LUZP1: variants seen among roughly 807,000 people sequenced by gnomAD.
The protein encoded by LUZP1 is leucine zipper protein 1, also known as filamin mechanobinding actin cross-linking protein.
In LUZP1, 25 loss-of-function variants were observed where a neutral mutation model predicts 71.3. That is an observed-to-expected ratio of 0.35 (90% CI 0.26 to 0.49). LUZP1 has a LOEUF of 0.49. Ranked by LOEUF, LUZP1 falls within the 20% of genes least tolerant of loss-of-function variation. The pLI is 0.99. For synonymous variants in LUZP1, 481 were observed against 506.4 expected, an observed-to-expected ratio of 0.95 and a Z score of 0.67; for missense variants, 1,142 against 1,300.8, an observed-to-expected ratio of 0.88 and a Z score of 1.88.
intron 2 of LUZP1, chr1:23,140,311 A>C (rs998687296): frequency 6.6e-5 from 10 of 152,070 alleles, no homozygotes; most frequent in African/African-American, 2.4e-4. Flanking sequence ...CATATTACAC[A>C]TATGTAATAC....
chr1:23,142,549 C>G (rs559532486), intron 2 of LUZP1, among the ~76,000 whole-genome samples: 247 of 152,072 alleles, frequency 1.6e-3, no homozygotes, highest in Non-Finnish European at 2.9e-3. Flanking sequence ...TCGGGATAAT[C>G]TGAGTTCTGA....
intron 3 of LUZP1, among the ~76,000 whole-genome samples, chr1:23,102,589 T>C (rs765856573): frequency 5.9e-5 from 9 of 152,172 alleles, no homozygotes; most frequent in Non-Finnish European, 1.2e-4. Flanking sequence ...TCTGACAATG[T>C]AGTGATGAAG....
intron 2 of LUZP1, among the ~76,000 whole-genome samples, chr1:23,152,292 G>T (rs1210272710): frequency 6.6e-6 from 1 of 152,058 alleles, no homozygotes; most frequent in Non-Finnish European, 1.5e-5. Context: ...ATGTTTCATG[G>T]TTTGAAACGT....
At chr1:23,145,055 C>A (rs2124716054) in intron 2 of LUZP1, among the ~76,000 whole-genome samples, 1 of 152,062 alleles carries the variant, frequency 6.6e-6, no homozygotes, top group East Asian at 1.9e-4. Flanking sequence ...GTCACCACGC[C>A]CAGCTAATTT....
chr1:23,139,019 A>AAAAAAAAATATATAT (rs1317355746), intron 2 of LUZP1, among the ~76,000 whole-genome samples: 5 of 59,950 alleles, frequency 8.3e-5, no homozygotes, highest in Admixed American at 2.7e-4. Flanking sequence ...AAAAAAAAAA[A>AAAAAAAAATATATAT]ATATATATAT....
intron 2 of LUZP1, chr1:23,109,598 A>G (rs1388136186): frequency 6.6e-6 from 1 of 152,180 alleles, no homozygotes; most frequent in Non-Finnish European, 1.5e-5. Flanking sequence ...ATCTCATCTG[A>G]TAGGTCGCAG....
At chr1:23,136,727 T>C (rs1033536220) in intron 2 of LUZP1, among the ~76,000 whole-genome samples, 27 of 151,944 alleles carry the variant, frequency 1.8e-4, no homozygotes, top group African/African-American at 6.3e-4. Flanking sequence ...GCTAACACAG[T>C]GAAACCCTGT....
intron 2 of LUZP1, among the ~76,000 whole-genome samples, chr1:23,120,675 T>C (rs1644123075): frequency 6.6e-6 from 1 of 152,154 alleles, no homozygotes; most frequent in African/African-American, 2.4e-5. Context: ...CTAATGCTTA[T>C]ACATTATTTC....
At position 23,093,729 on chromosome 1, in the gene LUZP1, C is replaced by G; in HGVS notation, c.533G>C (p.Ser178Thr). The G allele has an allele frequency of 6.2e-7, 1 of 1,613,756 alleles. No individual in the cohort carries two copies. The highest frequency in any genetic ancestry group is 2.2e-5 in the East Asian group (1 of 44,886). The change falls in exon 4 of 5, where the codon AGT (serine) becomes ACT (threonine). Residue 178 changes from serine to threonine, a missense_variant. Physicochemically the swap from Ser to Thr is moderately conservative, Grantham distance 58. Transcript: ENST00000302291. The surrounding 1 kb of genome is among the most constrained non-coding windows in gnomAD (Gnocchi z 4.2). The stretch of plus-strand genomic sequence containing the variant: ...CAGCTTTTCTAACTCTGACGCTAAA[C>G]TCTGCTCAGTTTTATCCAGGCGGTC...
At chr1:23,131,081 T>C (rs1377106815) in intron 2 of LUZP1, among the ~76,000 whole-genome samples, 3 of 151,744 alleles carry the variant, frequency 2.0e-5, no homozygotes, top group African/African-American at 7.3e-5. Flanking sequence ...TAGCCAGGCG[T>C]GGTGGCGGGC....
At chr1:23,089,102 G>A in intron 4 of LUZP1, 49 bp from the exon 4 acceptor site, 1 of 1,580,614 alleles carries the variant, frequency 6.3e-7, no homozygotes, top group Non-Finnish European at 8.7e-7. Flanking sequence ...GTAAAGTGAG[G>A]ACCGAGACAC....
intron 2 of LUZP1, among the ~76,000 whole-genome samples, chr1:23,129,282 T>G (rs976328569): frequency 6.6e-6 from 1 of 152,146 alleles, no homozygotes; most frequent in African/African-American, 2.4e-5. Flanking sequence ...AAAACCCAGA[T>G]TATAAAGATG....
chr1:23,106,648 G>A lies in LUZP1; in HGVS notation c.-120+2374C>T, dbSNP rs536772784. Among the ~76,000 whole-genome samples the A allele has an allele frequency of 3.9e-4, 60 of 152,014 alleles. No individual in the cohort carries two copies. In the South Asian group the frequency reaches 6.0e-3, roughly 15 times the overall value. On this transcript the variant is annotated intron_variant, in intron 3 of 4. Transcript: ENST00000302291. ...TTTAAATTAAAAAAAAATCAAACAG[G>A]TCTATGGGGAGAATTAGAATTTGAG...
At chr1:23,084,090 C>CA (rs1271448188) in exon 5 of LUZP1, 1 of 152,114 alleles carries the variant, frequency 6.6e-6, no homozygotes, top group East Asian at 1.9e-4. Context: ...TAAAACTTCC[C>CA]AATTCTACTA....
intron 2 of LUZP1, among the ~76,000 whole-genome samples, chr1:23,143,251 C>T (rs1170420513): frequency 6.6e-6 from 1 of 152,146 alleles, no homozygotes; most frequent in Admixed American, 6.5e-5. Flanking sequence ...TCGTGATCCA[C>T]CTGCCTAAGC....
At chr1:23,136,682 G>A (rs933610273) in intron 2 of LUZP1, among the ~76,000 whole-genome samples, 1 of 152,220 alleles carries the variant, frequency 6.6e-6, no homozygotes, top group Non-Finnish European at 1.5e-5. Flanking sequence ...GCCGAGGCGG[G>A]TGGATCACGA....
At chr1:23,147,612 C>CAAAAAAAA (rs774893320) in intron 2 of LUZP1, among the ~76,000 whole-genome samples, 1 of 61,460 alleles carries the variant, frequency 1.6e-5, no homozygotes, top group Non-Finnish European at 2.9e-5. Context: ...AGTCTCTACC[C>CAAAAAAAA]AAAAAAAAAA....
In LUZP1 at chr1:23,094,104, T is replaced by C; in HGVS notation, c.158A>G (p.Gln53Arg). ...CATGCTGGAGTTGCTACCTTCTGCCTGAATCACCTTGTCCTGGAGATCCAG... is the reference window on the plus strand; with the variant it reads ...CATGCTGGAGTTGCTACCTTCTGCCCGAATCACCTTGTCCTGGAGATCCAG... Residue 53 changes from glutamine to arginine, a missense_variant, in exon 4 of 5, where the codon CAG (glutamine) becomes CGG (arginine). Physicochemically the swap from Gln to Arg is conservative, Grantham distance 43. Coordinates refer to ENST00000302291, the Ensembl canonical transcript of LUZP1. The surrounding 1 kb of genome is among the most constrained non-coding windows in gnomAD (Gnocchi z 4.7). The C allele has an allele frequency of 1.2e-6, 2 of 1,614,222 alleles. No individual in the cohort carries two copies. Among genetic ancestry groups the C allele is most frequent in the Non-Finnish European group, 1.7e-6 (2 of 1,180,030 alleles).
intron 2 of LUZP1, among the ~76,000 whole-genome samples, chr1:23,151,287 G>A (rs886608465): frequency 6.6e-6 from 1 of 152,040 alleles, no homozygotes; most frequent in Non-Finnish European, 1.5e-5. Flanking sequence ...CAGGTGATCC[G>A]CCTGCCTCGG....
Sources: allele counts gnomAD v4.1 joint callset (sites outside exome capture counted in the v4.1 genomes callset), GRCh38; gene constraint gnomAD v4.1.1; non-coding constraint Gnocchi (gnomAD v3.1); transcripts MANE v1.5; gene names NCBI Gene and HGNC (gene_info 2026-07-23, HGNC 2026-07-21).